LINGO2: variants seen among roughly 807,000 people sequenced by gnomAD.
The protein encoded by LINGO2 is leucine-rich repeat and immunoglobulin-like domain-containing nogo receptor-interacting protein 2.
A neutral mutation model predicts 30.6 loss-of-function variants in LINGO2; 14 were observed. That is an observed-to-expected ratio of 0.46 (90% CI 0.30 to 0.72). The LOEUF (loss-of-function observed/expected upper bound fraction) is 0.72. Among genes scored for constraint, LINGO2 ranks in the 30% least tolerant of loss-of-function variants. LINGO2 has a pLI of 0.07. For missense variants in LINGO2, 729 were observed against 751.7 expected, an observed-to-expected ratio of 0.97 and a Z score of 0.35; for synonymous variants, 317 against 288.5, an observed-to-expected ratio of 1.10 and a Z score of -1.00.
chr9:28,279,747 G>A (rs1823253286), intron 4 of LINGO2, among the ~76,000 whole-genome samples: 1 of 151,992 alleles, frequency 6.6e-6, no homozygotes. Flanking sequence ...TGTTTGTATT[G>A]TATTCTCCCA....
chr9:28,429,787 C>A (rs1823572232), intron 2 of LINGO2, among the ~76,000 whole-genome samples: 1 of 152,130 alleles, frequency 6.6e-6, no homozygotes, highest in Non-Finnish European at 1.5e-5. Flanking sequence ...GATGTAGCCC[C>A]TGGTGTTCCA....
At chr9:29,022,977 C>CAAAA in the LINGO2 span, among the ~76,000 whole-genome samples, 36 of 133,290 alleles carry the variant, frequency 2.7e-4, no homozygotes, top group East Asian at 8.5e-4. Flanking sequence ...CTCTTTGAGC[C>CAAAA]AAAAAAAAAA....
the LINGO2 span, among the ~76,000 whole-genome samples, chr9:28,984,265 A>C: frequency 6.6e-6 from 1 of 152,114 alleles, no homozygotes; most frequent in East Asian, 1.9e-4. Flanking sequence ...AAGTTTTCAT[A>C]AAGGTGGAGA....
the LINGO2 span, among the ~76,000 whole-genome samples, chr9:28,722,572 T>C: frequency 2.6e-5 from 4 of 152,130 alleles, no homozygotes; most frequent in African/African-American, 9.7e-5. Context: ...TATCTGACAG[T>C]GTCATTACTG....
the LINGO2 span, among the ~76,000 whole-genome samples, chr9:28,840,688 A>G: frequency 6.6e-6 from 1 of 151,976 alleles, no homozygotes; most frequent in African/African-American, 2.4e-5. Flanking sequence ...AAGTTAATTA[A>G]TGCTTATTTG....
chr9:28,173,963 C>T (rs1379098372), intron 4 of LINGO2, among the ~76,000 whole-genome samples: 4 of 152,098 alleles, frequency 2.6e-5, no homozygotes, highest in African/African-American at 9.7e-5. Flanking sequence ...CCACCAAGCT[C>T]AGTGAGGTTA....
chr9:28,890,594 C>A, the LINGO2 span, among the ~76,000 whole-genome samples: 1 of 152,058 alleles, frequency 6.6e-6, no homozygotes, highest in Admixed American at 6.6e-5. Flanking sequence ...ATGGGACATT[C>A]TCTCTTTAAT....
Position 28,439,251 on chromosome 9 carries a change from GTGTATA to G in LINGO2, c.-279+36683_-279+36688del, listed in dbSNP as rs201540785. 7.0e-3 allele frequency among the ~76,000 whole-genome samples: 1,059 copies of G among 151,070 alleles called. 18 individuals carry two copies. Among genetic ancestry groups the G allele is most frequent in the African/African-American group, 0.024 (976 of 41,106 alleles). ...ATATATTCATACTATATATGTGTGT[GTGTATA>G]TGTATATGTATATATATGTGTGTGT... is the stretch of plus-strand genomic sequence containing the variant. On this transcript the variant is annotated intron_variant, in intron 2 of 5. Coordinates refer to ENST00000379992, the Ensembl canonical transcript of LINGO2.
At chr9:27,947,750 A>C (rs1338812381), downstream of LINGO2, among the ~76,000 whole-genome samples, 1 of 152,208 alleles carries the variant, frequency 6.6e-6, no homozygotes, top group Non-Finnish European at 1.5e-5. Context: ...TTATGTATGT[A>C]TCACCCTGGT....
the LINGO2 span, chr9:27,939,912 C>A: frequency 6.6e-6 from 1 of 152,122 alleles, no homozygotes; most frequent in Non-Finnish European, 1.5e-5. Flanking sequence ...TGTGACAATA[C>A]AAAATTATTC....
At chr9:28,608,790 C>T (rs940378388) in intron 1 of LINGO2, among the ~76,000 whole-genome samples, 2 of 151,702 alleles carry the variant, frequency 1.3e-5, no homozygotes, top group African/African-American at 2.4e-5. Context: ...GTTCAGATTT[C>T]GTTTATATTA....
At chr9:28,136,640 C>A (rs1288595145) in intron 4 of LINGO2, among the ~76,000 whole-genome samples, 4 of 152,110 alleles carry the variant, frequency 2.6e-5, no homozygotes, top group African/African-American at 9.7e-5. Flanking sequence ...TTCTTAAAAC[C>A]TTCATCAATG....
chr9:29,025,433 G>C, the LINGO2 span, among the ~76,000 whole-genome samples: 1 of 152,030 alleles, frequency 6.6e-6, no homozygotes, highest in Middle Eastern at 3.4e-3. Flanking sequence ...GATTGATGAG[G>C]TTCCCAAGTT....
the LINGO2 span, among the ~76,000 whole-genome samples, chr9:28,785,686 GCACA>G: frequency 1.2e-3 from 148 of 124,416 alleles, no homozygotes; most frequent in African/African-American, 3.3e-3. Flanking sequence ...ACACACACAC[GCACA>G]CACACACACA....
chr9:28,737,894 C>A, the LINGO2 span, among the ~76,000 whole-genome samples: 1 of 152,020 alleles, frequency 6.6e-6, no homozygotes, highest in African/African-American at 2.4e-5. Flanking sequence ...AATGTATCCT[C>A]GAGGGGAAGT....
At chr9:28,392,476 C>T (rs1389592950) in intron 2 of LINGO2, among the ~76,000 whole-genome samples, 1 of 152,158 alleles carries the variant, frequency 6.6e-6, no homozygotes, top group East Asian at 1.9e-4. Context: ...AGTTCCACCT[C>T]ATATGGGTGA....
chr9:27,940,798 G>C, the LINGO2 span: 1 of 152,342 alleles, frequency 6.6e-6, no homozygotes, highest in African/African-American at 2.4e-5. Context: ...TTAAGGTGCA[G>C]AGCTAGAAGC....
At chr9:28,173,437 A>G (rs1341666992) in intron 4 of LINGO2, among the ~76,000 whole-genome samples, 1 of 152,202 alleles carries the variant, frequency 6.6e-6, no homozygotes, top group Non-Finnish European at 1.5e-5. Flanking sequence ...AAAAATTCAA[A>G]GAATAAAACT....
chr9:28,426,833 T>C (rs764774943), intron 2 of LINGO2, among the ~76,000 whole-genome samples: 6 of 152,064 alleles, frequency 3.9e-5, no homozygotes, highest in Non-Finnish European at 5.9e-5. Flanking sequence ...CAGATTATCA[T>C]CTACCTACCA....
Sources: allele counts gnomAD v4.1 joint callset (sites outside exome capture counted in the v4.1 genomes callset), GRCh38; gene constraint gnomAD v4.1.1; transcripts MANE v1.5; gene names NCBI Gene and HGNC (gene_info 2026-07-23, HGNC 2026-07-21).